Variants in DLG2 observed in about 807,000 individuals in gnomAD.
The protein encoded by DLG2 is discs large MAGUK scaffold protein 2.
In DLG2, 45 loss-of-function variants were observed where a neutral mutation model predicts 132.5. The observed-to-expected ratio is 0.34, with a 90% CI of 0.27 to 0.44. The LOEUF is 0.44. Among genes scored for constraint, DLG2 ranks in the 20% least tolerant of loss-of-function variants. DLG2 has a pLI of 1.00. For missense variants in DLG2, 1,045 were observed against 1,196.9 expected (o/e 0.87, Z 1.87); for synonymous variants, 424 against 419.6 (o/e 1.01, Z -0.13).
At chr11:85,348,255 A>T (rs1407825847) in intron 3 of DLG2, among the ~76,000 whole-genome samples, 1 of 148,056 alleles carries the variant, frequency 6.8e-6, no homozygotes, top group Non-Finnish European at 1.5e-5. Context: ...ACAGAGTCTC[A>T]CTCTGTCACG....
chr11:85,625,778 T>G (rs2081997596), intron 2 of DLG2, among the ~76,000 whole-genome samples: 1 of 152,210 alleles, frequency 6.6e-6, no homozygotes, highest in Non-Finnish European at 1.5e-5. Flanking sequence ...GAGAAACTCT[T>G]TACAGTTGAT....
At chr11:85,118,192 C>T (rs1199781536) in intron 5 of DLG2, among the ~76,000 whole-genome samples, 1 of 152,018 alleles carries the variant, frequency 6.6e-6, no homozygotes, top group East Asian at 1.9e-4. Context: ...CTGAGGAAAT[C>T]CTTACTAAAA....
intron 14 of DLG2, among the ~76,000 whole-genome samples, chr11:83,942,034 T>C (rs575600731): frequency 2.6e-5 from 4 of 152,202 alleles, no homozygotes; most frequent in Non-Finnish European, 5.9e-5. Context: ...AGAAATCTGT[T>C]CTACAAAACT....
chr11:84,467,571 G>A (rs1166230593), intron 7 of DLG2, among the ~76,000 whole-genome samples: 1 of 151,270 alleles, frequency 6.6e-6, no homozygotes, highest in Non-Finnish European at 1.5e-5. Context: ...AAGGCCAGTG[G>A]CATAGGAGAA....
At chr11:83,864,816 A>G (rs1216981647) in intron 16 of DLG2, among the ~76,000 whole-genome samples, 3 of 84,966 alleles carry the variant, frequency 3.5e-5, no homozygotes, top group African/African-American at 7.7e-5. Context: ...ATATATGCAG[A>G]AAAAAAAACC....
At chr11:83,956,487 C>T (rs191574074) in intron 14 of DLG2, among the ~76,000 whole-genome samples, 3 of 152,348 alleles carry the variant, frequency 2.0e-5, no homozygotes, top group Admixed American at 2.0e-4. Flanking sequence ...TGGCCATGGG[C>T]CCCACACGGA....
At chr11:85,213,369 A>G (rs893064080) in intron 4 of DLG2, among the ~76,000 whole-genome samples, 1 of 151,906 alleles carries the variant, frequency 6.6e-6, no homozygotes, top group East Asian at 1.9e-4. Flanking sequence ...ACATTGGTTT[A>G]GTCCAGAAAG....
chr11:85,175,861 C>T (rs1178770062), intron 4 of DLG2, among the ~76,000 whole-genome samples: 1 of 151,970 alleles, frequency 6.6e-6, no homozygotes. Context: ...TTCCCATTCA[C>T]AATTGTCACA....
intron 7 of DLG2, among the ~76,000 whole-genome samples, chr11:84,263,667 C>T (rs1415779879): frequency 6.6e-6 from 1 of 152,132 alleles, no homozygotes; most frequent in African/African-American, 2.4e-5. Context: ...AAAAATCCCT[C>T]TGCCTTCATT....
At chr11:84,457,266 CAGG>C (rs1222201192) in intron 7 of DLG2, among the ~76,000 whole-genome samples, 2 of 150,982 alleles carry the variant, frequency 1.3e-5, no homozygotes, top group African/African-American at 4.8e-5. Context: ...GGGCTAGATG[CAGG>C]AGGTGTAGAA....
intron 6 of DLG2, among the ~76,000 whole-genome samples, chr11:84,893,390 C>T (rs1349940630): frequency 6.6e-6 from 1 of 152,146 alleles, no homozygotes; most frequent in Non-Finnish European, 1.5e-5. Context: ...CAATGGGTTT[C>T]AAATGGTGTG....
chr11:84,764,629 C>G (rs1359179659), intron 6 of DLG2, among the ~76,000 whole-genome samples: 5 of 151,874 alleles, frequency 3.3e-5, no homozygotes, highest in Admixed American at 2.0e-4. Flanking sequence ...AGATTTTAAT[C>G]AGGTAAAGAA....
intron 10 of DLG2, among the ~76,000 whole-genome samples, chr11:84,098,496 C>A (rs536774212): frequency 1.3e-5 from 2 of 152,144 alleles, no homozygotes; most frequent in African/African-American, 4.8e-5. Context: ...CCTCTCTAAA[C>A]GCCTAGAGAA....
intron 10 of DLG2, among the ~76,000 whole-genome samples, chr11:84,070,211 A>G (rs1053158618): frequency 2.0e-5 from 3 of 152,214 alleles, no homozygotes; most frequent in African/African-American, 7.2e-5. Flanking sequence ...AAAAATTAGC[A>G]TCATTGTATG....
At chr11:84,029,234 A>T (rs892533216) in intron 11 of DLG2, among the ~76,000 whole-genome samples, 5 of 152,114 alleles carry the variant, frequency 3.3e-5, no homozygotes, top group African/African-American at 9.7e-5. Flanking sequence ...ATGCTTCAAA[A>T]CACTGACCAC....
intron 7 of DLG2, among the ~76,000 whole-genome samples, chr11:84,413,878 A>G (rs1302771635): frequency 6.6e-6 from 1 of 152,142 alleles, no homozygotes; most frequent in African/African-American, 2.4e-5. Flanking sequence ...TGACTCCTCC[A>G]GGAGGAAACT....
At chr11:85,161,954 G>T (rs549181656) in intron 4 of DLG2, among the ~76,000 whole-genome samples, 1 of 152,112 alleles carries the variant, frequency 6.6e-6, no homozygotes, top group Non-Finnish European at 1.5e-5. Context: ...ATGACCCCTC[G>T]TGATCCACTA....
At chr11:84,506,434 A>C (rs2099241428) in intron 7 of DLG2, among the ~76,000 whole-genome samples, 1 of 152,156 alleles carries the variant, frequency 6.6e-6, no homozygotes, top group African/African-American at 2.4e-5. Context: ...TCGGAGAGAA[A>C]TTTAAGGATG....
At chr11:83,811,104 T>G (rs538119072) in intron 17 of DLG2, among the ~76,000 whole-genome samples, 1 of 149,968 alleles carries the variant, frequency 6.7e-6, no homozygotes, top group South Asian at 2.1e-4. Context: ...ATTTTGACTC[T>G]GTACATCTAT....
Sources: gnomAD v4.1 joint callset for allele counts (sites outside exome capture counted in the v4.1 genomes callset) on GRCh38, gnomAD v4.1.1 for gene constraint, MANE v1.5 for transcripts, NCBI Gene and HGNC (gene_info 2026-07-23, HGNC 2026-07-21) for gene names.